L3MBTL2: variants seen among roughly 807,000 people sequenced by gnomAD.
L3MBTL2 encodes the protein L3MBTL histone methyl-lysine binding protein 2.
L3MBTL2 carries 49 observed loss-of-function variants against 86.4 expected under a neutral mutation model. That is an observed-to-expected ratio of 0.57 (90% confidence interval 0.45 to 0.72). L3MBTL2 has a LOEUF of 0.72. Among genes scored for constraint, L3MBTL2 ranks in the 30% least tolerant of loss-of-function variants. The pLI, the probability that L3MBTL2 is intolerant of heterozygous loss-of-function variation, is 0.00. For missense variants in L3MBTL2, 755 were observed against 923.7 expected (o/e 0.82, Z 2.37); for synonymous variants, 336 against 350.6 (o/e 0.96, Z 0.47).
intron 2 of L3MBTL2, among the ~76,000 whole-genome samples, chr22:41,213,122 C>G (rs1006193219): frequency 6.6e-6 from 1 of 152,128 alleles, no homozygotes; most frequent in Non-Finnish European, 1.5e-5. Flanking sequence ...GAGGCTGATG[C>G]AGGAGAATGG....
Position 41,226,737 on chromosome 22 carries a change from T to C in L3MBTL2, c.1580T>C (p.Phe527Ser). The change falls in exon 13 of 17, where the codon TTT becomes TCT. Residue 527 changes from phenylalanine to serine, a missense_variant. Around this residue, in one of 3 missense-constraint regions of L3MBTL2, gnomAD observed 634 missense variants for 748.9 expected, o/e 0.85. Coordinates refer to ENST00000216237, the MANE Select transcript of L3MBTL2 (RefSeq NM_031488.5). ...TCGAAAGCCGCTCCATCGAGACTCT[T>C]TAACATGGTGAGGAGACTGAAGTGG... ...TKSKAAPSRL[F>S]NMDCPNHGFK... 3 of 1,613,006 alleles carry C rather than the reference T, an allele frequency of 1.9e-6. No homozygotes were observed. The highest frequency in any genetic ancestry group is 2.5e-6 in the Non-Finnish European group (3 of 1,179,006).
chr22:41,207,895 A>C (rs1469364793), intron 1 of L3MBTL2, among the ~76,000 whole-genome samples: 2 of 150,804 alleles, frequency 1.3e-5, no homozygotes, highest in Admixed American at 1.3e-4. Flanking sequence ...GCAGTGGTGC[A>C]ATCTCGGCTC....
chr22:41,224,037 G>A lies in L3MBTL2; in HGVS notation c.960G>A (p.Lys320=). ...DFHIKMVESM[K]YPFRQGMRLE... is the part of the protein sequence containing the mutation. ...CGTTTCAGATGGTGGAGAGCATGAA[G>A]TACCCCTTTAGGCAGGGCATGCGGC... is the stretch of plus-strand genomic sequence containing the variant. The change falls in exon 9 of 17, where the codon AAG becomes AAA. Residue 320 remains lysine, a synonymous_variant. Coordinates refer to ENST00000216237, the MANE Select transcript of L3MBTL2 (RefSeq NM_031488.5). The surrounding 1 kb of genome is among the most constrained non-coding windows in gnomAD (Gnocchi z 4.9). The A allele has an allele frequency of 6.2e-7, 1 of 1,614,152 alleles. No homozygotes were observed. The highest frequency in any genetic ancestry group is 1.3e-5 in the African/African-American group (1 of 75,058).
At chr22:41,228,659 G>A (rs1364347158) in intron 15 of L3MBTL2, 1 of 283,114 alleles carries the variant, frequency 3.5e-6, no homozygotes, top group Non-Finnish European at 5.3e-6. Context: ...AGACCAGCCT[G>A]ACCAACATGG....
chr22:41,222,028 A>AT (rs1421248974), intron 8 of L3MBTL2, among the ~76,000 whole-genome samples: 1 of 152,048 alleles, frequency 6.6e-6, no homozygotes, highest in Non-Finnish European at 1.5e-5. Flanking sequence ...CCTCCCGAGT[A>AT]GTTGGGATTA....
Position 41,227,343 on chromosome 22 carries a change from T to C in L3MBTL2, c.1822+20T>C. 6.4e-7 allele frequency: 1 copy of C among 1,560,174 alleles called. No homozygotes were observed. Among genetic ancestry groups the C allele is most frequent in the Non-Finnish European group, 8.7e-7 (1 of 1,148,410 alleles). ...CCGCAGGTGTGGGCTCTCGTGGCCCTAAGAGGCTCTGACTTTCTTTCCTCT... is the reference window on the plus strand; with the variant it reads ...CCGCAGGTGTGGGCTCTCGTGGCCCCAAGAGGCTCTGACTTTCTTTCCTCT... On this transcript the variant is annotated intron_variant, in intron 14 of 16. Coordinates refer to ENST00000216237, the MANE Select transcript of L3MBTL2 (RefSeq NM_031488.5). This position sits in a 1 kb window ranked among gnomAD's most constrained non-coding sequence, Gnocchi z 6.0.
chr22:41,208,497 C>G, intron 1 of L3MBTL2: 1 of 255,004 alleles, frequency 3.9e-6, no homozygotes, highest in South Asian at 3.3e-5. Context: ...TCTCACGAGT[C>G]AAATATTTTT....
At chr22:41,205,987 C>CTT (rs774301733) in intron 1 of L3MBTL2, 2 of 146,286 alleles carry the variant, frequency 1.4e-5, no homozygotes, top group South Asian at 2.2e-4. Flanking sequence ...CCCACTCATC[C>CTT]TTTTTTTTTT....
At chr22:41,213,142 G>A (rs1342489913) in intron 2 of L3MBTL2, among the ~76,000 whole-genome samples, 3 of 152,116 alleles carry the variant, frequency 2.0e-5, no homozygotes, top group African/African-American at 4.8e-5. Flanking sequence ...GCGTGAACCC[G>A]GGAGGCAGAG....
At position 41,227,226 on chromosome 22, in the gene L3MBTL2, C is replaced by T; in HGVS notation, c.1725C>T (p.Ser575=). The T allele has an allele frequency of 3.1e-6, 5 of 1,613,334 alleles. No homozygotes were observed. Among genetic ancestry groups the T allele is most frequent in the Non-Finnish European group, 4.2e-6 (5 of 1,179,966 alleles). ...GCATCCACTTTGACGGCTGGGACAG[C>T]GAGTACGACCAGTGGGTGGACTGCG... ...LLSIHFDGWD[S]EYDQWVDCES... is the part of the protein sequence containing the mutation. Residue 575 remains serine, a synonymous_variant, in exon 14 of 17, where the codon AGC becomes AGT. Transcript: ENST00000216237. This position sits in a 1 kb window ranked among gnomAD's most constrained non-coding sequence, Gnocchi z 6.0.
Position 41,227,924 on chromosome 22 carries a change from G to A in L3MBTL2, c.1888+55G>A. 5 of 1,595,134 alleles carry A rather than the reference G, an allele frequency of 3.1e-6. No individual in the cohort carries two copies. The highest frequency in any genetic ancestry group is 4.3e-6 in the Non-Finnish European group (5 of 1,170,730). ...GTGTGGGCCTGGGAGCAGTGGGCCT[G>A]CGTCCCTGGGAGCAGGCGGGGGTCA... On this transcript the variant is annotated intron_variant, in intron 15 of 16. Transcript: ENST00000216237. This position sits in a 1 kb window ranked among gnomAD's most constrained non-coding sequence, Gnocchi z 6.0.
rs754016801 is a variant in L3MBTL2 at position 41,227,771 on chromosome 22, C to T, written c.1823-33C>T. ...CCTGTGTCCTCCCAGGGACCCTCTT[C>T]TCATCTCTTTCACCCTTGTCTTTCA... is the stretch of plus-strand genomic sequence containing the variant. On this transcript the variant is annotated intron_variant, in intron 14 of 16. Coordinates refer to ENST00000216237, the MANE Select transcript of L3MBTL2 (RefSeq NM_031488.5). The surrounding 1 kb of genome is among the most constrained non-coding windows in gnomAD (Gnocchi z 6.0). 1.9e-6 allele frequency: 3 copies of T among 1,613,472 alleles called. No individual in the cohort carries two copies. The highest frequency in any genetic ancestry group is 2.5e-6 in the Non-Finnish European group (3 of 1,179,714).
rs755221041 is a variant in L3MBTL2, at chr22:41,224,236, G to A, written c.1159G>A (p.Gly387Ser). 16 of 1,611,228 alleles carry A rather than the reference G, an allele frequency of 9.9e-6. 1 individual carries two copies. The highest frequency in any genetic ancestry group is 9.9e-5 in the South Asian group (9 of 91,036). ...GGGTTGGTCACGACGTGTGGGCCACGGCATCAAGATGTCAGGTTAGCAGAG... is the reference window on the plus strand; with the variant it reads ...GGGTTGGTCACGACGTGTGGGCCACAGCATCAAGATGTCAGGTTAGCAGAG... The part of the protein sequence containing the change: ...PVGWSRRVGH[G>S]IKMSERRSDM... The change falls in exon 9 of 17, where the codon GGC becomes AGC. Residue 387 changes from glycine to serine, a missense_variant. Gly to Ser is a moderately conservative substitution (Grantham distance 56). This residue lies in a region of L3MBTL2 where 634 missense variants were observed against 748.9 expected (regional missense o/e 0.85). Coordinates refer to ENST00000216237, the MANE Select transcript of L3MBTL2 (RefSeq NM_031488.5). This position sits in a 1 kb window ranked among gnomAD's most constrained non-coding sequence, Gnocchi z 4.9.
At chr22:41,216,431 A>G (rs1238306326) in intron 4 of L3MBTL2, among the ~76,000 whole-genome samples, 169 bp downstream of exon 4, 1 of 152,180 alleles carries the variant, frequency 6.6e-6, no homozygotes, top group African/African-American at 2.4e-5. Context: ...TATTGTGGAA[A>G]TTACCCAGAA....
intron 7 of L3MBTL2, 84 bp downstream of exon 7, chr22:41,220,952 G>C (rs1481584881): frequency 6.9e-7 from 1 of 1,458,782 alleles, no homozygotes; most frequent in Non-Finnish European, 9.4e-7. Flanking sequence ...AGGTAGAATG[G>C]GAGTCCTCTG....
rs1279908399 is a variant in L3MBTL2, at chr22:41,225,787, C to G, written c.1357-7C>G. 5 of 1,605,334 alleles carry G rather than the reference C, an allele frequency of 3.1e-6. No homozygotes were observed. The Admixed American group carries it at 8.4e-5, about 27-fold the overall frequency. On this transcript the variant is annotated splice_polypyrimidine_tract_variant and splice_region_variant and intron_variant, in intron 11 of 16. Transcript: ENST00000216237. The surrounding 1 kb of genome is among the most constrained non-coding windows in gnomAD (Gnocchi z 4.1). ...TGATCTGTCTGCCTGCTCCCCCCAC[C>G]CCCCAGGTTCTCCTGGATGGATACC...
chr22:41,210,640 T>C (rs2030685323), intron 2 of L3MBTL2, among the ~76,000 whole-genome samples: 1 of 152,170 alleles, frequency 6.6e-6, no homozygotes, highest in African/African-American at 2.4e-5. Flanking sequence ...ACTTTTGTAT[T>C]TTTAGTAGAG....
chr22:41,230,133 C>G lies in L3MBTL2; in HGVS notation c.2006-6C>G, dbSNP rs1224802650. 6.6e-7 allele frequency: 1 copy of G among 1,505,664 alleles called. No homozygotes were observed. The highest frequency in any genetic ancestry group is 1.4e-5 in the African/African-American group (1 of 72,410). The allele number at this position is 1,505,664 out of a possible 1,614,324, so 93.3% of individuals were successfully genotyped here. ...GCCCACCCACCCGCCTCCCCTCCCT[C>G]TTCAGTCATTGCTGTGCGTGTGAAG... On this transcript the variant is annotated splice_polypyrimidine_tract_variant and splice_region_variant and intron_variant, in intron 16 of 16. Coordinates refer to ENST00000216237, the MANE Select transcript of L3MBTL2 (RefSeq NM_031488.5).
intron 8 of L3MBTL2, among the ~76,000 whole-genome samples, chr22:41,223,186 G>A (rs993062868): frequency 6.6e-6 from 1 of 152,168 alleles, no homozygotes. Context: ...TTTGCCTGTT[G>A]GCTGCTTTGT....
Sources: allele counts gnomAD v4.1 joint callset (sites outside exome capture counted in the v4.1 genomes callset), GRCh38; gene constraint gnomAD v4.1.1; regional missense constraint gnomAD v4.1.1; non-coding constraint Gnocchi (gnomAD v3.1); transcripts MANE v1.5; gene names NCBI Gene and HGNC (gene_info 2026-07-23, HGNC 2026-07-21).